The following RGS3 variants were observed in gnomAD, a reference collection of about 807,000 sequenced individuals.
RGS3 encodes the protein regulator of G protein signaling 3.
In RGS3, 80 loss-of-function variants were observed where a neutral mutation model predicts 132.6. The observed-to-expected ratio is 0.60, with a 90% CI of 0.50 to 0.73. The LOEUF (loss-of-function observed/expected upper bound fraction) is 0.73. Among genes scored for constraint, RGS3 ranks in the 30% least tolerant of loss-of-function variants. The probability of loss-of-function intolerance (pLI) is 0.00; values close to 1 mark genes in which losing one functional copy is unlikely to be tolerated. For missense variants in RGS3, 1,382 were observed against 1,530.8 expected (o/e 0.90, Z 1.62); for synonymous variants, 598 against 620.6 (o/e 0.96, Z 0.54).
intron 19 of RGS3, among the ~76,000 whole-genome samples, chr9:113,543,337 T>C (rs1255329242): frequency 6.6e-6 from 1 of 152,216 alleles, no homozygotes; most frequent in Non-Finnish European, 1.5e-5. Flanking sequence ...AATACACCCC[T>C]TACTTCCCAC....
chr9:113,591,328 C>G lies in RGS3; in HGVS notation c.3016-5C>G, dbSNP rs762571726. The G allele has an allele frequency of 6.2e-7, 1 of 1,613,350 alleles. No homozygotes were observed. The highest frequency in any genetic ancestry group is 8.5e-7 in the Non-Finnish European group (1 of 1,179,756). ...GACTGCATCGTGTCTGTCTTCTCTC[C>G]GCAGATGAGCGGGGCTGACACCGTT... On this transcript the variant is annotated splice_polypyrimidine_tract_variant and splice_region_variant and intron_variant, in intron 20 of 24. Transcript: ENST00000350696. The surrounding 1 kb of genome is among the most constrained non-coding windows in gnomAD (Gnocchi z 4.4).
intron 19 of RGS3, among the ~76,000 whole-genome samples, chr9:113,555,894 A>G (rs913722282): frequency 6.6e-6 from 1 of 152,240 alleles, no homozygotes; most frequent in Non-Finnish European, 1.5e-5. Flanking sequence ...TGTCTCTCAC[A>G]TACCACGTCA....
chr9:113,525,120 T>G (rs1325675817), intron 17 of RGS3, among the ~76,000 whole-genome samples: 1 of 151,952 alleles, frequency 6.6e-6, no homozygotes, highest in Non-Finnish European at 1.5e-5. Context: ...TGGGTTGGTG[T>G]GGGAGAGGGG....
chr9:113,519,379 T>A (rs1321541344), intron 16 of RGS3, among the ~76,000 whole-genome samples: 1 of 152,012 alleles, frequency 6.6e-6, no homozygotes, highest in African/African-American at 2.4e-5. Flanking sequence ...AAGAGACCCC[T>A]CTCCCTTAGC....
chr9:113,538,393 G>T (rs1832769344), intron 19 of RGS3, among the ~76,000 whole-genome samples: 1 of 152,228 alleles, frequency 6.6e-6, no homozygotes, highest in Non-Finnish European at 1.5e-5. Context: ...CATTGGGGTG[G>T]CCTCTGGGAC....
In RGS3 at chr9:113,583,377, C is replaced by T. The variant is rs759436086; in HGVS notation, c.2038-73C>T. 7 of 1,544,920 alleles carry T rather than the reference C, an allele frequency of 4.5e-6. No individual in the cohort carries two copies. The Admixed American group carries it at 1.4e-4, about 30-fold the overall frequency. ...TTCAGGCCACTGCCTGATTTCATGT[C>T]AGCTCATGCATGGTGTCTGGCATCT... On this transcript the variant is annotated intron_variant, in intron 19 of 24. Transcript: ENST00000350696.
chr9:113,570,645 C>T (rs1199683382), intron 19 of RGS3, among the ~76,000 whole-genome samples: 4 of 152,062 alleles, frequency 2.6e-5, no homozygotes, highest in Admixed American at 1.3e-4. Context: ...AAAGGTAACC[C>T]CGTCCTGACT....
rs750587111 is a variant in RGS3, at chr9:113,497,190, G to A, written c.751-124G>A. The A allele has an allele frequency of 7.1e-6, 5 of 707,552 alleles. No individual in the cohort carries two copies. In the East Asian group the frequency reaches 1.3e-4, roughly 19 times the overall value. The allele number at this position is 707,552 out of a possible 1,614,324, so 43.8% of individuals were successfully genotyped here. A position where few individuals can be genotyped will look rare whatever the true frequency, so the allele number is the denominator to read the frequency against. Reference sequence around the variant, plus strand: ...GGCATGGCAGCTCGGGGCCAGGAAGGCTGGAGAGTCTGTCTCTCCTGTGGG... The same window carrying A: ...GGCATGGCAGCTCGGGGCCAGGAAGACTGGAGAGTCTGTCTCTCCTGTGGG... On this transcript the variant is annotated intron_variant, in intron 8 of 24. Transcript: ENST00000350696.
At chr9:113,457,158 A>G (rs1829381989), upstream of RGS3, among the ~76,000 whole-genome samples, 1 of 152,088 alleles carries the variant, frequency 6.6e-6, no homozygotes, top group Admixed American at 6.6e-5. Flanking sequence ...CTCACGTTCT[A>G]AGTTCCCTGC....
At chr9:113,457,930 G>T (rs1248810727), upstream of RGS3, among the ~76,000 whole-genome samples, 2 of 152,178 alleles carry the variant, frequency 1.3e-5, no homozygotes, top group Non-Finnish European at 2.9e-5. Context: ...TGCTAGGTAG[G>T]AAGCTAGACA....
intron 7 of RGS3, among the ~76,000 whole-genome samples, 167 bp downstream of exon 5, chr9:113,485,860 G>A (rs1564473243): frequency 6.6e-6 from 1 of 152,172 alleles, no homozygotes. Flanking sequence ...ATCATTCCAG[G>A]TGTTACCAAG....
chr9:113,561,850 C>A (rs986439855), intron 19 of RGS3, among the ~76,000 whole-genome samples: 6 of 152,322 alleles, frequency 3.9e-5, no homozygotes, highest in African/African-American at 1.4e-4. Context: ...CAGGCTGTTG[C>A]TGCATCCCCC....
intron 20 of RGS3, among the ~76,000 whole-genome samples, chr9:113,587,131 C>A (rs1223201605): frequency 6.6e-6 from 1 of 151,942 alleles, no homozygotes; most frequent in Non-Finnish European, 1.5e-5. Flanking sequence ...CCCAGCCACA[C>A]AGCAGCAAGT....
chr9:113,571,069 G>A (rs994671674), intron 19 of RGS3, among the ~76,000 whole-genome samples: 2 of 152,180 alleles, frequency 1.3e-5, no homozygotes, highest in Admixed American at 1.3e-4. Flanking sequence ...CAATAATATT[G>A]TATCAAGCTT....
At chr9:113,465,621 T>C (rs2119170373) in intron 3 of RGS3, among the ~76,000 whole-genome samples, 1 of 152,292 alleles carries the variant, frequency 6.6e-6, no homozygotes, top group East Asian at 1.9e-4. Context: ...TAGATTAATC[T>C]GCCTGCCAGA....
At position 113,595,572 on chromosome 9, in the gene RGS3, T is replaced by C. The variant is rs1427672791; in HGVS notation, c.3245-27T>C. 4 of 1,609,046 alleles carry C rather than the reference T, an allele frequency of 2.5e-6. No homozygotes were observed. In the African/African-American group the frequency reaches 5.3e-5, roughly 21 times the overall value. On this transcript the variant is annotated intron_variant, in intron 23 of 24. Transcript: ENST00000350696. ...GGGCAGGAGAGGCTGAGTTTGCCTC[T>C]TACCCCAGGATCCGTTCTCCTCACA...
intron 14 of RGS3, among the ~76,000 whole-genome samples, chr9:113,513,655 C>G (rs1452423744): frequency 6.6e-6 from 1 of 152,196 alleles, no homozygotes; most frequent in African/African-American, 2.4e-5. Flanking sequence ...TTGAGGAAAT[C>G]AAGACTCTGA....
At chr9:113,516,127 C>A (rs1011886657) in intron 15 of RGS3, among the ~76,000 whole-genome samples, 1 of 152,194 alleles carries the variant, frequency 6.6e-6, no homozygotes, top group African/African-American at 2.4e-5. Context: ...CTTGGCCCCA[C>A]GGGCTTCATT....
chr9:113,517,202 G>T (rs1831716137), intron 15 of RGS3: 1 of 500,468 alleles, frequency 2.0e-6, no homozygotes, highest in Non-Finnish European at 3.9e-6. Context: ...CGGGGGCTGG[G>T]AGGGCCCAGG....
Sources: gnomAD v4.1 joint callset for allele counts (sites outside exome capture counted in the v4.1 genomes callset) on GRCh38, gnomAD v4.1.1 for gene constraint, Gnocchi (gnomAD v3.1) non-coding constraint, MANE v1.5 for transcripts, NCBI Gene and HGNC (gene_info 2026-07-23, HGNC 2026-07-21) for gene names.